Variants in CCDC92 observed in about 807,000 individuals in gnomAD.
CCDC92 encodes the protein coiled-coil domain containing 92.
Under a neutral mutation model 24.9 loss-of-function variants are expected in CCDC92, and 12 were observed. That is an observed-to-expected ratio of 0.48 (90% CI 0.31 to 0.78). The LOEUF (loss-of-function observed/expected upper bound fraction) is 0.78, where lower values mean the gene tolerates loss of function less well. Among genes scored for constraint, CCDC92 ranks in the 30% least tolerant of loss-of-function variants. The pLI is 0.05. For synonymous variants in CCDC92, 193 were observed against 196.3 expected (o/e 0.98, Z 0.14); for missense variants, 399 against 439.4 (o/e 0.91, Z 0.82).
In CCDC92 at chr12:123,937,759, C is replaced by G; in HGVS notation, c.295G>C (p.Glu99Gln). Residue 99 changes from glutamate (E) to glutamine (Q), a missense_variant, in exon 5 of 5, where the codon GAG (glutamate) becomes CAG (glutamine). Physicochemically the swap from Glu to Gln is conservative, Grantham distance 29. Transcript: ENST00000238156. The surrounding 1 kb of genome is among the most constrained non-coding windows in gnomAD (Gnocchi z 8.4). ...EELEAQLKVK[E>Q]NENAELLKEL... ...TTCAACAACTCAGCATTTTCGTTCT[C>G]TTTCACTTTCAGTTGGGCTTCCAGC... is the stretch of plus-strand genomic sequence containing the variant. 6.2e-7 allele frequency: 1 copy of G among 1,614,044 alleles called. No homozygotes were observed. The highest frequency in any genetic ancestry group is 8.5e-7 in the Non-Finnish European group (1 of 1,180,036).
chr12:123,947,078 C>T (rs767897221), intron 1 of CCDC92, among the ~76,000 whole-genome samples: 9 of 152,322 alleles, frequency 5.9e-5, no homozygotes, highest in Non-Finnish European at 1.0e-4. Context: ...CTGCCGGCCC[C>T]GGGCAATGAG....
intron 1 of CCDC92, among the ~76,000 whole-genome samples, chr12:123,960,206 A>G (rs1956241528): frequency 6.6e-6 from 1 of 151,972 alleles, no homozygotes; most frequent in African/African-American, 2.4e-5. Context: ...TGGCCCTTTA[A>G]GAAAGGCTTC....
At chr12:123,953,549 C>G (rs1956078197) in intron 1 of CCDC92, among the ~76,000 whole-genome samples, 1 of 152,150 alleles carries the variant, frequency 6.6e-6, no homozygotes, top group African/African-American at 2.4e-5. Flanking sequence ...GAGGCCAAGG[C>G]TGGTAGATCA....
Position 123,937,037 on chromosome 12 carries a change from C to A in CCDC92, c.*21G>T. 3 of 1,613,090 alleles carry A rather than the reference C, an allele frequency of 1.9e-6. No homozygotes were observed. Among genetic ancestry groups the A allele is most frequent in the Non-Finnish European group, 2.5e-6 (3 of 1,179,750 alleles). On this transcript the variant is annotated 3_prime_UTR_variant, in exon 5 of 5. Transcript: ENST00000238156. This position sits in a 1 kb window ranked among gnomAD's most constrained non-coding sequence, Gnocchi z 8.4. ...TGGTGCTCACAGTGCATGGACAGCG[C>A]GGGGTGGGGCACGGCGGGCTTCACA...
Position 123,936,917 on chromosome 12 carries a change from G to A in CCDC92, c.*141C>T. 1.1e-6 allele frequency: 1 copy of A among 895,450 alleles called. No individual in the cohort carries two copies. The highest frequency in any genetic ancestry group is 1.7e-6 in the Non-Finnish European group (1 of 588,352). The allele number at this position is 895,450 out of a possible 1,614,324, so 55.5% of individuals were successfully genotyped here. A position where few individuals can be genotyped will look rare whatever the true frequency, so the allele number is the denominator to read the frequency against. On this transcript the variant is annotated 3_prime_UTR_variant, in exon 5 of 5. Coordinates refer to ENST00000238156, the MANE Select transcript of CCDC92 (RefSeq NM_025140.3). ...CGATCATATTTTGGTGTGAAGAAGAGGGCAAGAGAAGCAGAAGGAGAATGG... is the reference window on the plus strand; with the variant it reads ...CGATCATATTTTGGTGTGAAGAAGAAGGCAAGAGAAGCAGAAGGAGAATGG...
At chr12:123,951,490 A>G (rs760427135) in intron 1 of CCDC92, among the ~76,000 whole-genome samples, 2 of 152,248 alleles carry the variant, frequency 1.3e-5, no homozygotes, top group African/African-American at 2.4e-5. Context: ...ATAGCACACT[A>G]GCACTCAGGT....
intron 1 of CCDC92, among the ~76,000 whole-genome samples, chr12:123,953,341 CA>C (rs1391033726): frequency 2.0e-5 from 3 of 151,658 alleles, no homozygotes; most frequent in African/African-American, 7.3e-5. Flanking sequence ...CTAAAGTATG[CA>C]ATAATTTAAA....
chr12:123,944,102 C>T, intron 2 of CCDC92, 170 bp downstream of exon 2: 1 of 575,826 alleles, frequency 1.7e-6, no homozygotes, highest in Non-Finnish European at 3.1e-6. Flanking sequence ...AGGGAAGCCC[C>T]CTGCACTTCA....
intron 2 of CCDC92, chr12:123,943,828 C>T (rs914728237): frequency 2.7e-5 from 12 of 448,856 alleles, no homozygotes; most frequent in Non-Finnish European, 4.4e-5. Context: ...GGCAGATTCG[C>T]GAGCCTGGGG....
Position 123,943,393 on chromosome 12 carries a change from G to A in CCDC92, c.135C>T (p.Leu45=), listed in dbSNP as rs767409086. The stretch of plus-strand genomic sequence containing the variant: ...GCCTGATCTCGGAGTGCAGCCCCTT[G>A]AGCGTGCTGGCATGCTCCCGCTGAA... The part of the protein sequence containing the change: ...LFLQREHAST[L]KGLHSEIRRL... Residue 45 remains leucine, a synonymous_variant, in exon 3 of 5, where the codon CTC becomes CTT. Coordinates refer to ENST00000238156, the MANE Select transcript of CCDC92 (RefSeq NM_025140.3). 2 of 1,614,076 alleles carry A rather than the reference G, an allele frequency of 1.2e-6. No individual in the cohort carries two copies. The highest frequency in any genetic ancestry group is 1.7e-5 in the Admixed American group (1 of 60,032).
intron 1 of CCDC92, among the ~76,000 whole-genome samples, chr12:123,950,671 A>G (rs533817422): frequency 1.3e-5 from 2 of 152,300 alleles, no homozygotes; most frequent in African/African-American, 4.8e-5. Context: ...GGCTGATAGG[A>G]GTCCTCTGGG....
At chr12:123,950,975 C>A (rs1195680318) in intron 1 of CCDC92, among the ~76,000 whole-genome samples, 1 of 152,146 alleles carries the variant, frequency 6.6e-6, no homozygotes, top group Non-Finnish European at 1.5e-5. Context: ...TGGGTCCCCT[C>A]GGGGCTGGTG....
At chr12:123,946,026 T>TCCGCCATCCATTTCCA (rs150886168) in intron 1 of CCDC92, 1 of 17,206 alleles carries the variant, frequency 5.8e-5, no homozygotes, top group African/African-American at 2.0e-4. Context: ...GCTGGCATCC[T>TCCGCCATCCATTTCCA]GCTTTGAAAG....
At chr12:123,939,866 C>T (rs569131841) in intron 4 of CCDC92, among the ~76,000 whole-genome samples, 3 of 152,360 alleles carry the variant, frequency 2.0e-5, no homozygotes, top group East Asian at 3.9e-4. Flanking sequence ...GACCTGGGCA[C>T]GGCATTGGGC....
intron 1 of CCDC92, among the ~76,000 whole-genome samples, chr12:123,967,304 C>T (rs1309913668): frequency 6.6e-6 from 1 of 152,288 alleles, no homozygotes; most frequent in South Asian, 2.1e-4. Flanking sequence ...TACTGACCTT[C>T]CTTGAAAATG....
Position 123,951,467 on chromosome 12 carries a change from G to A in CCDC92, c.-59-7103C>T, listed in dbSNP as rs115479538. 4.4e-3 allele frequency among the ~76,000 whole-genome samples: 665 copies of A among 152,272 alleles called. 5 individuals are homozygous for A. Among genetic ancestry groups the A allele is most frequent in the African/African-American group, 0.015 (635 of 41,566 alleles). On this transcript the variant is annotated intron_variant, in intron 1 of 4. Coordinates refer to ENST00000238156, the MANE Select transcript of CCDC92 (RefSeq NM_025140.3). ...CTGTGGAAACAGGGTAATAATTTTA[G>A]AATCTAAAAAAAATAGCACACTAGC...
chr12:123,948,205 T>C (rs1408591421), intron 1 of CCDC92, among the ~76,000 whole-genome samples: 2 of 152,228 alleles, frequency 1.3e-5, no homozygotes, highest in African/African-American at 2.4e-5. Context: ...CAAAATGGGA[T>C]GTGCCTATAT....
At chr12:123,943,238 G>T in intron 3 of CCDC92, 109 bp downstream of exon 3, 1 of 1,222,764 alleles carries the variant, frequency 8.2e-7, no homozygotes, top group Non-Finnish European at 1.1e-6. Flanking sequence ...ATGGACTCCT[G>T]CAACGATGAT....
In CCDC92 at chr12:123,937,980, A is replaced by AC; in HGVS notation, c.224-151dup. 2 of 743,442 alleles carry AC rather than the reference A, an allele frequency of 2.7e-6. No individual in the cohort carries two copies. The highest frequency in any genetic ancestry group is 4.3e-6 in the Non-Finnish European group (2 of 468,764). The allele number at this position is 743,442 out of a possible 1,614,324, so 46.1% of individuals were successfully genotyped here. A position where few individuals can be genotyped will look rare whatever the true frequency, so the allele number is the denominator to read the frequency against. ...GCAGGGCTGTGGGGGCTCTGGAAAGACCCCTCCCCTCCCCGAGGTGGGGAG... is the reference window on the plus strand; with the variant it reads ...GCAGGGCTGTGGGGGCTCTGGAAAGACCCCCTCCCCTCCCCGAGGTGGGGAG... On this transcript the variant is annotated intron_variant, in intron 4 of 4. Coordinates refer to ENST00000238156, the MANE Select transcript of CCDC92 (RefSeq NM_025140.3). The surrounding 1 kb of genome is among the most constrained non-coding windows in gnomAD (Gnocchi z 8.4).
Sources: allele counts gnomAD v4.1 joint callset (sites outside exome capture counted in the v4.1 genomes callset), GRCh38; gene constraint gnomAD v4.1.1; non-coding constraint Gnocchi (gnomAD v3.1); transcripts MANE v1.5; gene names NCBI Gene and HGNC (gene_info 2026-07-23, HGNC 2026-07-21).